The following PACC1 variants were observed in gnomAD, a reference collection of about 807,000 sequenced individuals.
The protein encoded by PACC1 is proton-activated chloride channel.
Under a neutral mutation model 39.7 loss-of-function variants are expected in PACC1, and 34 were observed. The ratio of observed to expected loss-of-function variants is 0.86; its 90% CI spans 0.65 to 1.14. PACC1 has a LOEUF of 1.14. Ranked by LOEUF, PACC1 falls within the 50% of genes most tolerant of loss-of-function variation. The pLI, the probability that PACC1 is intolerant of heterozygous loss-of-function variation, is 0.00. For missense variants in PACC1, 379 were observed against 436.4 expected, an observed-to-expected ratio of 0.87 and a Z score of 1.17; for synonymous variants, 127 against 160.6, an observed-to-expected ratio of 0.79 and a Z score of 1.58.
intron 1 of PACC1, 38 bp downstream of exon 1, chr1:212,414,684 C>A (rs377343028): frequency 1.1e-5 from 18 of 1,612,404 alleles, no homozygotes; most frequent in Non-Finnish European, 1.5e-5. Context: ...CCTGCTCCTC[C>A]GCCTCAAACT....
chr1:212,368,701 C>T (rs918373454), intron 7 of PACC1, among the ~76,000 whole-genome samples: 2 of 151,822 alleles, frequency 1.3e-5, no homozygotes, highest in African/African-American at 4.8e-5. Context: ...AGAACACTCA[C>T]AAGGTCTAGA....
At chr1:212,385,136 C>A in intron 4 of PACC1, 138 bp downstream of exon 4, 1 of 968,158 alleles carries the variant, frequency 1.0e-6, no homozygotes, top group Non-Finnish European at 1.5e-6. Context: ...CATGGCACAG[C>A]CGCATGTCTC....
chr1:212,404,308 G>A (rs922479729), intron 2 of PACC1, among the ~76,000 whole-genome samples: 4 of 151,008 alleles, frequency 2.6e-5, no homozygotes, highest in East Asian at 2.0e-4. Context: ...GGGTTTCATC[G>A]TGTTAGCCAG....
At position 212,377,820 on chromosome 1, in the gene PACC1, C is replaced by A. The variant is rs1033736208; in HGVS notation, c.639-114G>T. On this transcript the variant is annotated intron_variant, in intron 5 of 7. Transcript: ENST00000261455. ...TGGCACAACCAGGATGCTGCCCACT[C>A]CCTGCCTCCTCTCCAAATTGTGATT... 5 of 1,206,772 alleles carry A rather than the reference C, an allele frequency of 4.1e-6. No individual in the cohort carries two copies. The South Asian group carries it at 4.5e-5, about 11-fold the overall frequency. 74.8% of individuals were successfully genotyped at this position (1,206,772 alleles called of 1,614,324 possible). A position where few individuals can be genotyped will look rare whatever the true frequency, so the allele number is the denominator to read the frequency against.
At chr1:212,368,192 T>C (rs941159684) in intron 7 of PACC1, among the ~76,000 whole-genome samples, 1 of 152,214 alleles carries the variant, frequency 6.6e-6, no homozygotes, top group Non-Finnish European at 1.5e-5. Context: ...CTGAAACAGC[T>C]GCAGTGACTG....
intron 7 of PACC1, among the ~76,000 whole-genome samples, chr1:212,374,497 G>A (rs1571633274): frequency 6.6e-6 from 1 of 152,102 alleles, no homozygotes; most frequent in African/African-American, 2.4e-5. Flanking sequence ...TAATACAGTA[G>A]AGCAATTATA....
Position 212,386,018 on chromosome 1 carries a change from TAAAG to T in PACC1, c.344-597_344-594del, listed in dbSNP as rs1177835527. ...AGACAGAGAAAGTAAAACGTACAGA[TAAAG>T]AAGACTCAAGCAGACACACAGAGAA... On this transcript the variant is annotated intron_variant, in intron 3 of 7. Coordinates refer to ENST00000261455, the MANE Select transcript of PACC1 (RefSeq NM_018252.3). The surrounding 1 kb of genome is among the most constrained non-coding windows in gnomAD (Gnocchi z 5.0). Among the ~76,000 whole-genome samples the T allele has an allele frequency of 1.1e-4, 16 of 151,866 alleles. No individual in the cohort carries two copies. The East Asian group carries it at 2.9e-3, about 28-fold the overall frequency.
intron 1 of PACC1, chr1:212,413,999 C>T (rs764147535): frequency 1.3e-6 from 2 of 1,535,534 alleles, no homozygotes; most frequent in East Asian, 2.4e-5. Context: ...GAAGTGGAGG[C>T]GGAGGAGGAG....
At chr1:212,373,517 A>AGCTT (rs1183730282) in intron 7 of PACC1, among the ~76,000 whole-genome samples, 1 of 152,224 alleles carries the variant, frequency 6.6e-6, no homozygotes, top group Non-Finnish European at 1.5e-5. Flanking sequence ...TAAGCTAAAA[A>AGCTT]GCTTCTGTAC....
At chr1:212,393,527 C>G (rs933912338) in intron 2 of PACC1, among the ~76,000 whole-genome samples, 1 of 152,130 alleles carries the variant, frequency 6.6e-6, no homozygotes, top group Non-Finnish European at 1.5e-5. Context: ...ATTAAAAGAA[C>G]TAGAGAAGCA....
At chr1:212,384,519 G>A (rs763149575) in intron 4 of PACC1, among the ~76,000 whole-genome samples, 2 of 152,120 alleles carry the variant, frequency 1.3e-5, no homozygotes, top group Admixed American at 6.5e-5. Context: ...ACAACATGTC[G>A]TCTCTTCCCT....
Position 212,385,414 on chromosome 1 carries a change from A to T in PACC1, c.355T>A (p.Tyr119Asn). ...CTGAGCAACTGGGCCTGACCGGGGTACAAGGCAATACCTGGGGGCACAAAC... is the reference window on the plus strand; with the variant it reads ...CTGAGCAACTGGGCCTGACCGGGGTTCAAGGCAATACCTGGGGGCACAAAC... ...DRYDAPGIAL[Y>N]PGQAQLLSCK... is the part of the protein sequence containing the mutation. The change falls in exon 4 of 8, where the codon TAC becomes AAC. Residue 119 changes from tyrosine (Y) to asparagine (N), a missense_variant. Tyr to Asn is a moderately radical substitution (Grantham distance 143). Coordinates refer to ENST00000261455, the MANE Select transcript of PACC1 (RefSeq NM_018252.3). 1 of 1,614,082 alleles carries T rather than the reference A, an allele frequency of 6.2e-7. No homozygotes were observed. The highest frequency in any genetic ancestry group is 8.5e-7 in the Non-Finnish European group (1 of 1,179,962).
At chr1:212,372,655 AAATC>A (rs1660503020) in intron 7 of PACC1, among the ~76,000 whole-genome samples, 1 of 152,242 alleles carries the variant, frequency 6.6e-6, no homozygotes, top group Non-Finnish European at 1.5e-5. Context: ...ACAGGATACA[AAATC>A]AACACACCCA....
intron 4 of PACC1, 79 bp from the exon 5 acceptor site, chr1:212,380,116 C>CCTCCT: frequency 6.7e-7 from 1 of 1,485,552 alleles, no homozygotes; most frequent in Non-Finnish European, 9.1e-7. Context: ...GAAGTACTGA[C>CCTCCT]TGGAAAGCCC....
At chr1:212,407,107 A>T (rs954817872) in intron 2 of PACC1, among the ~76,000 whole-genome samples, 1 of 152,244 alleles carries the variant, frequency 6.6e-6, no homozygotes, top group African/African-American at 2.4e-5. Flanking sequence ...TAAGGTTGCT[A>T]ATCAGCTGAC....
intron 6 of PACC1, among the ~76,000 whole-genome samples, 184 bp from the exon 7 acceptor site, chr1:212,375,484 G>A (rs897399547): frequency 6.6e-6 from 1 of 152,108 alleles, no homozygotes; most frequent in African/African-American, 2.4e-5. Flanking sequence ...CAAAGCCAAG[G>A]CTTTACCTTG....
At chr1:212,402,010 T>C (rs61828749) in intron 2 of PACC1, among the ~76,000 whole-genome samples, 2,865 of 152,310 alleles carry the variant, frequency 0.019, 41 homozygotes, top group South Asian at 0.033. Context: ...TAATATTCTA[T>C]TGTGTGAATG....
chr1:212,407,772 T>C (rs1355340392), intron 2 of PACC1, among the ~76,000 whole-genome samples: 2 of 152,086 alleles, frequency 1.3e-5, no homozygotes, highest in Admixed American at 6.5e-5. Context: ...CTTAAAATAG[T>C]TTTTATAAAC....
chr1:212,404,560 A>T (rs1661837691), intron 2 of PACC1, among the ~76,000 whole-genome samples: 1 of 151,772 alleles, frequency 6.6e-6, no homozygotes. Context: ...GCTATTCATG[A>T]TCTCTGACAT....
Sources: gnomAD v4.1 joint callset for allele counts (sites outside exome capture counted in the v4.1 genomes callset) on GRCh38, gnomAD v4.1.1 for gene constraint, Gnocchi (gnomAD v3.1) non-coding constraint, MANE v1.5 for transcripts, NCBI Gene and HGNC (gene_info 2026-07-23, HGNC 2026-07-21) for gene names.